Variants in DTNA observed in about 807,000 individuals in gnomAD.
The protein encoded by DTNA is dystrobrevin alpha.
Under a neutral mutation model 100.7 loss-of-function variants are expected in DTNA, and 43 were observed. The ratio of observed to expected loss-of-function variants is 0.43; its 90% CI spans 0.33 to 0.55. The LOEUF (loss-of-function observed/expected upper bound fraction) is 0.55, where lower values mean the gene tolerates loss of function less well. DTNA is among the 20% of genes least tolerant of loss of function. The pLI, the probability that DTNA is intolerant of heterozygous loss-of-function variation, is 0.04. For missense variants in DTNA, 798 were observed against 953.9 expected (o/e 0.84, Z 2.15); for synonymous variants, 349 against 347.9 (o/e 1.00, Z -0.04).
chr18:34,582,510 G>A (rs904495965), intron 1 of DTNA, among the ~76,000 whole-genome samples: 3 of 152,110 alleles, frequency 2.0e-5, no homozygotes, highest in Non-Finnish European at 2.9e-5. Flanking sequence ...GAGGCCCAGG[G>A]CAGCCCGTCC....
chr18:34,861,026 A>AT, intron 16 of DTNA, among the ~76,000 whole-genome samples: 1 of 152,272 alleles, frequency 6.6e-6, no homozygotes, highest in Non-Finnish European at 1.5e-5. Context: ...TTAGAAAAAA[A>AT]TTTGTATAAT....
chr18:34,806,200 T>G lies in DTNA; in HGVS notation c.363-19T>G, dbSNP rs1260828537. On this transcript the variant is annotated intron_variant, in intron 4 of 22. Transcript: ENST00000444659. The stretch of plus-strand genomic sequence containing the variant: ...TGTTTTGTTTTTGTTTTTGTTTTTT[T>G]TCTATTACCATTAAACAGGGAAGGC... 6.2e-7 allele frequency: 1 copy of G among 1,610,992 alleles called. No homozygotes were observed. Among genetic ancestry groups the G allele is most frequent in the Admixed American group, 1.7e-5 (1 of 59,962 alleles).
intron 1 of DTNA, among the ~76,000 whole-genome samples, chr18:34,511,273 T>G (rs2041058350): frequency 6.6e-6 from 1 of 152,126 alleles, no homozygotes; most frequent in African/African-American, 2.4e-5. Flanking sequence ...GAATATATAC[T>G]TAAGACCCAT....
Position 34,889,213 on chromosome 18 carries a change from GA to G in DTNA, c.*1482del. ...TGGAATTCCTGTCTCTCCTTTAAAA[GA>G]AAGGAGAGAACATTTTAGAACAATA... On this transcript the variant is annotated 3_prime_UTR_variant, in exon 23 of 23. Coordinates refer to ENST00000444659, the MANE Select transcript of DTNA (RefSeq NM_001386795.1). 1.0e-6 allele frequency: 1 copy of G among 985,338 alleles called. No homozygotes were observed. Among genetic ancestry groups the G allele is most frequent in the South Asian group, 4.7e-5 (1 of 21,282 alleles). The allele number at this position is 985,338 out of a possible 1,614,324, so 61.0% of individuals were successfully genotyped here.
intron 1 of DTNA, among the ~76,000 whole-genome samples, chr18:34,753,366 A>ATTTTTTTTTTTTTTTTTT (rs757853063): frequency 7.5e-6 from 1 of 133,150 alleles, no homozygotes; most frequent in African/African-American, 3.2e-5. Flanking sequence ...TATTTATTTT[A>ATTTTTTTTTTTTTTTTTT]TTTTTTTTTT....
rs3081492 is a variant in DTNA, at chr18:34,891,266, T to TTG, written c.*3556_*3557dup. The TTG allele has an allele frequency of 6.8e-3, 1,029 of 150,230 alleles. 8 individuals are homozygous for TTG. The highest frequency in any genetic ancestry group is 0.03 in the South Asian group (140 of 4,684). The allele number at this position is 150,230 out of a possible 1,614,324, so 9.3% of individuals were successfully genotyped here. Reference sequence around the variant, plus strand: ...TTTTGTATTGCTGTTAAGTATTGTTTTGTGTGTGTGTGTGTGTGTGTGTGT... The same window carrying TTG: ...TTTTGTATTGCTGTTAAGTATTGTTTTGTGTGTGTGTGTGTGTGTGTGTGTGT... On this transcript the variant is annotated 3_prime_UTR_variant, in exon 23 of 23. Coordinates refer to ENST00000444659, the MANE Select transcript of DTNA (RefSeq NM_001386795.1).
At chr18:34,606,990 A>T (rs1431055246) in intron 1 of DTNA, among the ~76,000 whole-genome samples, 5 of 152,190 alleles carry the variant, frequency 3.3e-5, no homozygotes, top group Non-Finnish European at 5.9e-5. Flanking sequence ...AAACAAAGCA[A>T]AAATAAAATG....
chr18:34,556,730 C>T (rs1488277085), intron 1 of DTNA, among the ~76,000 whole-genome samples: 14 of 151,996 alleles, frequency 9.2e-5, no homozygotes, highest in South Asian at 8.3e-4. Context: ...GGGTTTCTGC[C>T]GAGAGATCCA....
intron 1 of DTNA, among the ~76,000 whole-genome samples, chr18:34,593,968 G>A (rs1400441412): frequency 6.6e-6 from 1 of 152,094 alleles, no homozygotes; most frequent in Non-Finnish European, 1.5e-5. Flanking sequence ...AAAGGAAAAA[G>A]GAGAGGAAAG....
intron 17 of DTNA, among the ~76,000 whole-genome samples, chr18:34,870,007 CA>C (rs1253818963): frequency 3.3e-5 from 5 of 152,168 alleles, no homozygotes; most frequent in Admixed American, 2.0e-4. Context: ...GGCAACACGA[CA>C]CAGCGAGACT....
intron 11 of DTNA, among the ~76,000 whole-genome samples, chr18:34,836,668 AG>A (rs2096155194): frequency 6.6e-6 from 1 of 151,000 alleles, no homozygotes; most frequent in Admixed American, 6.6e-5. Flanking sequence ...AAAAAAAAAA[AG>A]GTCAATTTTG....
At chr18:34,578,195 T>G (rs550866418) in intron 1 of DTNA, among the ~76,000 whole-genome samples, 1 of 152,250 alleles carries the variant, frequency 6.6e-6, no homozygotes, top group East Asian at 1.9e-4. Flanking sequence ...TATCGCATTT[T>G]GGTTTTGATT....
chr18:34,760,391 A>G (rs2093066381), intron 2 of DTNA, among the ~76,000 whole-genome samples: 1 of 152,046 alleles, frequency 6.6e-6, no homozygotes, highest in Admixed American at 6.6e-5. Context: ...TCCATATACA[A>G]TTTGTCTTTC....
chr18:34,830,055 G>C (rs1402267578), intron 11 of DTNA, among the ~76,000 whole-genome samples: 1 of 152,106 alleles, frequency 6.6e-6, no homozygotes, highest in Non-Finnish European at 1.5e-5. Flanking sequence ...AATGCTGGTG[G>C]TGAATCACTT....
intron 1 of DTNA, among the ~76,000 whole-genome samples, chr18:34,571,099 C>A (rs1252987580): frequency 1.3e-5 from 2 of 152,108 alleles, no homozygotes; most frequent in Non-Finnish European, 2.9e-5. Context: ...CACATCAAGC[C>A]AACAGAACAG....
Position 34,820,877 on chromosome 18 carries a change from A to C in DTNA, c.963A>C (p.Pro321=). 6.2e-7 allele frequency: 1 copy of C among 1,614,162 alleles called. No homozygotes were observed. Among genetic ancestry groups the C allele is most frequent in the Non-Finnish European group, 8.5e-7 (1 of 1,180,002 alleles). The change falls in exon 9 of 23, where the codon CCA becomes CCC. Residue 321 remains proline, a synonymous_variant. Transcript: ENST00000444659. The stretch of plus-strand genomic sequence containing the variant: ...GTGAACCTTTGCACCCCATGTTCCC[A>C]GATCAGCCTGAGAAGCCACTCAACT... ...SSREPLHPMF[P]DQPEKPLNLA... is the part of the protein sequence containing the mutation.
intron 11 of DTNA, among the ~76,000 whole-genome samples, chr18:34,830,550 G>C (rs1268686856): frequency 6.6e-6 from 1 of 152,096 alleles, no homozygotes; most frequent in African/African-American, 2.4e-5. Context: ...AGCATCATCT[G>C]TCGCATTCCC....
At chr18:34,822,018 G>A (rs1306049820) in intron 9 of DTNA, among the ~76,000 whole-genome samples, 4 of 152,206 alleles carry the variant, frequency 2.6e-5, no homozygotes, top group Non-Finnish European at 5.9e-5. Context: ...GCTTGTTCCC[G>A]GGGATGCTCT....
intron 3 of DTNA, among the ~76,000 whole-genome samples, chr18:34,783,829 C>T (rs1487997940): frequency 1.3e-5 from 2 of 152,148 alleles, no homozygotes; most frequent in Non-Finnish European, 1.5e-5. Context: ...ACCATTTTCT[C>T]ATGATAAGAG....
Sources: allele counts gnomAD v4.1 joint callset (sites outside exome capture counted in the v4.1 genomes callset), GRCh38; gene constraint gnomAD v4.1.1; transcripts MANE v1.5; gene names NCBI Gene and HGNC (gene_info 2026-07-23, HGNC 2026-07-21).